The following ZNF600 variants were observed in gnomAD, a reference collection of about 807,000 sequenced individuals.
ZNF600 encodes the protein zinc finger protein 600.
A neutral mutation model predicts 7.3 loss-of-function variants in ZNF600; 4 were observed. The observed-to-expected ratio is 0.55, with a 90% CI of 0.27 to 1.25. The LOEUF is 1.25. Ranked by LOEUF, ZNF600 falls within the 50% of genes most tolerant of loss-of-function variation. ZNF600 has a pLI of 0.12. For synonymous variants in ZNF600, 290 were observed against 308.9 expected (o/e 0.94, Z 0.64); for missense variants, 911 against 922.1 (o/e 0.99, Z 0.16).
chr19:52,769,697 G>C (rs113926634), intron 3 of ZNF600, among the ~76,000 whole-genome samples: 16,344 of 152,128 alleles, frequency 0.11, 2,477 homozygotes, highest in African/African-American at 0.34. Flanking sequence ...TCTCCGCATA[G>C]AGAGAGCAAA....
the ZNF600 span, among the ~76,000 whole-genome samples, chr19:52,833,481 T>G: frequency 6.6e-6 from 1 of 152,274 alleles, no homozygotes; most frequent in Non-Finnish European, 1.5e-5. Context: ...AATGACTGGC[T>G]ACTAAATACC....
the ZNF600 span, among the ~76,000 whole-genome samples, chr19:52,811,500 C>T: frequency 1.8e-4 from 26 of 146,810 alleles, no homozygotes; most frequent in South Asian, 8.7e-4. Flanking sequence ...CGTCTCTGCC[C>T]GGCCGCCCAT....
At chr19:52,789,229 C>A (rs2062785621), upstream of ZNF600, among the ~76,000 whole-genome samples, 1 of 152,108 alleles carries the variant, frequency 6.6e-6, no homozygotes, top group South Asian at 2.1e-4. Context: ...CAGGTGAAGG[C>A]CCTGAGAAAG....
the ZNF600 span, among the ~76,000 whole-genome samples, chr19:52,803,878 A>G: frequency 1.3e-3 from 193 of 152,260 alleles, 1 homozygote; most frequent in Non-Finnish European, 2.1e-3. Context: ...AAACATTTGT[A>G]CCCAGAAGGT....
At chr19:52,786,012 TTTTC>T (rs1187651395) in intron 1 of ZNF600, among the ~76,000 whole-genome samples, 2 of 152,166 alleles carry the variant, frequency 1.3e-5, no homozygotes, top group East Asian at 3.9e-4. Context: ...CTCATTCTTC[TTTTC>T]TCTGTCTCTG....
intron 3 of ZNF600, among the ~76,000 whole-genome samples, chr19:52,772,324 C>G (rs2062636552): frequency 6.6e-6 from 1 of 151,804 alleles, no homozygotes; most frequent in South Asian, 2.1e-4. Flanking sequence ...CAAAAAAGGC[C>G]AGACACAGTG....
intron 2 of ZNF600, among the ~76,000 whole-genome samples, chr19:52,775,730 C>T (rs914589527): frequency 1.3e-5 from 2 of 152,144 alleles, no homozygotes; most frequent in African/African-American, 4.8e-5. Flanking sequence ...CATGACTGCG[C>T]AGGCACAGTG....
Position 52,765,555 on chromosome 19 carries a change from G to C in ZNF600, c.*32C>G, listed in dbSNP as rs528348170. The stretch of plus-strand genomic sequence containing the variant: ...TCTCCAATGATTTGCAATGGTTGTA[G>C]CGTTACTGAAGACTTTGTGACAATC... On this transcript the variant is annotated 3_prime_UTR_variant, in exon 4 of 4. Transcript: ENST00000648973. 2.5e-6 allele frequency: 4 copies of C among 1,613,154 alleles called. No individual in the cohort carries two copies. The African/African-American group carries it at 5.3e-5, about 22-fold the overall frequency.
chr19:52,813,924 G>A, the ZNF600 span, among the ~76,000 whole-genome samples: 2 of 145,554 alleles, frequency 1.4e-5, no homozygotes, highest in Admixed American at 6.9e-5. Context: ...GGTGGGAGAT[G>A]GACTCTGTTT....
chr19:52,809,344 T>A, the ZNF600 span, among the ~76,000 whole-genome samples: 1 of 152,236 alleles, frequency 6.6e-6, no homozygotes, highest in African/African-American at 2.4e-5. Flanking sequence ...CAATTTCCAA[T>A]GCAGATGTCA....
chr19:52,815,448 T>C, the ZNF600 span, among the ~76,000 whole-genome samples: 7 of 140,658 alleles, frequency 5.0e-5, no homozygotes, highest in African/African-American at 1.4e-4. Flanking sequence ...ACCCGGGAGG[T>C]AGAGGTTGCA....
chr19:52,809,946 G>GGGGGCGCA, the ZNF600 span: 1 of 834,012 alleles, frequency 1.2e-6, no homozygotes, highest in South Asian at 1.4e-5. Context: ...GGTTGCCCCG[G>GGGGGCGCA]GGGGCGCAGG....
chr19:52,830,533 G>A, the ZNF600 span, among the ~76,000 whole-genome samples: 69 of 151,342 alleles, frequency 4.6e-4, no homozygotes, highest in East Asian at 9.7e-4. Flanking sequence ...GGGGATACAA[G>A]GACTGAGCTG....
chr19:52,766,388 G>A (rs749561482), exon 4 of ZNF600: 3 of 1,613,860 alleles, frequency 1.9e-6, no homozygotes, highest in Admixed American at 1.7e-5. Flanking sequence ...GTGTCTCAAG[G>A]GTTGATCCAC....
chr19:52,830,083 G>A, the ZNF600 span, among the ~76,000 whole-genome samples: 3 of 152,184 alleles, frequency 2.0e-5, no homozygotes, highest in South Asian at 6.2e-4. Context: ...AGAGCAGTCT[G>A]ACTGACATGG....
At chr19:52,784,859 T>G (rs1197695803) in intron 1 of ZNF600, among the ~76,000 whole-genome samples, 1 of 152,182 alleles carries the variant, frequency 6.6e-6, no homozygotes, top group African/African-American at 2.4e-5. Context: ...CTAGAGAAGC[T>G]GAAACTGCAG....
At chr19:52,816,021 G>A in the ZNF600 span, among the ~76,000 whole-genome samples, 45 of 146,768 alleles carry the variant, frequency 3.1e-4, 4 homozygotes, top group African/African-American at 1.1e-3. Flanking sequence ...TAATGATGCA[G>A]AAATACACGT....
upstream of ZNF600, among the ~76,000 whole-genome samples, chr19:52,789,470 T>A (rs1345045535): frequency 1.3e-5 from 2 of 152,238 alleles, no homozygotes; most frequent in East Asian, 3.8e-4. Context: ...TGTCTCTGTG[T>A]CTCTTTCTTT....
At chr19:52,780,896 C>A (rs1444210814) in intron 1 of ZNF600, 1 of 152,178 alleles carries the variant, frequency 6.6e-6, no homozygotes, top group Non-Finnish European at 1.5e-5. Flanking sequence ...TCCGGAAGTA[C>A]GTAGTCACCC....
Sources: allele counts gnomAD v4.1 joint callset (sites outside exome capture counted in the v4.1 genomes callset), GRCh38; gene constraint gnomAD v4.1.1; transcripts MANE v1.5; gene names NCBI Gene and HGNC (gene_info 2026-07-23, HGNC 2026-07-21).